Variants in SIDT2 observed in about 807,000 individuals in gnomAD.
SIDT2 encodes the protein SID1 transmembrane family member 2.
Under a neutral mutation model 114.4 loss-of-function variants are expected in SIDT2, and 68 were observed. The observed-to-expected ratio is 0.59, with a 90% confidence interval of 0.49 to 0.73. The LOEUF is 0.73. Ranked by LOEUF, SIDT2 falls within the 30% of genes least tolerant of loss-of-function variation. The probability of loss-of-function intolerance (pLI) is 0.00; values close to 1 mark genes in which losing one functional copy is unlikely to be tolerated. For missense variants in SIDT2, 918 were observed against 1,097.1 expected (o/e 0.84, Z 2.31); for synonymous variants, 470 against 438.4 (o/e 1.07, Z -0.90).
In SIDT2 at chr11:117,179,298, T is replaced by C. The variant is rs1029163454; in HGVS notation, c.35T>C (p.Leu12Ser). The C allele has an allele frequency of 1.1e-5, 18 of 1,613,898 alleles. No homozygotes were observed. Among genetic ancestry groups the C allele is most frequent in the Non-Finnish European group, 1.5e-5 (18 of 1,179,976 alleles). The stretch of plus-strand genomic sequence containing the variant: ...CTGGGCTTGCCCTTCTTGGTGCTCT[T>C]GGTGGCCTCGGTCGAGAGCCATCTG... ...FALGLPFLVL[L>S]VASVESHLGV... The change falls in exon 1 of 26, where the codon TTG becomes TCG. Residue 12 changes from leucine to serine, a missense_variant. Transcript: ENST00000324225.
At position 117,197,202 on chromosome 11, in the gene SIDT2, C is replaced by G. The variant is rs558154368; in HGVS notation, c.*1136C>G. 6.5e-6 allele frequency: 1 copy of G among 152,684 alleles called. No individual in the cohort carries two copies. The highest frequency in any genetic ancestry group is 2.1e-4 in the South Asian group (1 of 4,824). 9.5% of individuals were successfully genotyped at this position (152,684 alleles called of 1,614,324 possible). ...CCCCAGCTCTGGGCACCCTGGCCAC[C>G]CTGGTCCTTGGATCCCCTTCGTCCC... On this transcript the variant is annotated 3_prime_UTR_variant, in exon 26 of 26. Coordinates refer to ENST00000324225, the MANE Select transcript of SIDT2 (RefSeq NM_001040455.2).
intron 10 of SIDT2, chr11:117,187,071 T>C (rs923982047): frequency 1.4e-5 from 20 of 1,459,326 alleles, no homozygotes; most frequent in Non-Finnish European, 1.7e-5. Flanking sequence ...AGCACAGGGC[T>C]GTCTGGAGGG....
rs61729990 is a variant in SIDT2, at chr11:117,181,816, C to A, written c.315C>A (p.Arg105=). 0.015 allele frequency: 23,693 copies of A among 1,614,156 alleles called. 206 individuals are homozygous for A. Among genetic ancestry groups the A allele is most frequent in the Non-Finnish European group, 0.018 (21,021 of 1,180,020 alleles). ...VPLILRGMFQ[R]KYLYQKVERT... Reference sequence around the variant, plus strand: ...CTGCTTCGGGCCATAGGTTTCAGCGCAAGTACCTCTACCAAAAAGTGGAAC... The same window carrying A: ...CTGCTTCGGGCCATAGGTTTCAGCGAAAGTACCTCTACCAAAAAGTGGAAC... The change falls in exon 3 of 26, where the codon CGC becomes CGA. Residue 105 remains arginine (R), a synonymous_variant. Transcript: ENST00000324225.
intron 4 of SIDT2, 142 bp downstream of exon 4, chr11:117,182,247 C>A: frequency 1.0e-6 from 1 of 978,872 alleles, no homozygotes; most frequent in Non-Finnish European, 1.5e-6. Context: ...AGCTCTGGCC[C>A]TGACATGGTG....
At position 117,183,793 on chromosome 11, in the gene SIDT2, C is replaced by G; in HGVS notation, c.717C>G (p.Pro239=). Residue 239 remains proline (P), a synonymous_variant, in exon 7 of 26, where the codon CCC becomes CCG. Transcript: ENST00000324225. ...AAITVQRKDF[P]SNSFYVVVVV... is the part of the protein sequence containing the mutation. ...TCATCCTGCAGCGCAAAGACTTCCC[C>G]AGCAACAGCTTTTATGTGGTGGTGG... 1 of 1,613,776 alleles carries G rather than the reference C, an allele frequency of 6.2e-7. No homozygotes were observed. Among genetic ancestry groups the G allele is most frequent in the Non-Finnish European group, 8.5e-7 (1 of 1,179,652 alleles).
chr11:117,189,179 A>G lies in SIDT2; in HGVS notation c.1289A>G (p.Tyr430Cys), dbSNP rs2030611182. The G allele has an allele frequency of 1.2e-6, 2 of 1,614,198 alleles. No individual in the cohort carries two copies. The highest frequency in any genetic ancestry group is 8.5e-7 in the Non-Finnish European group (1 of 1,180,006). Residue 430 changes from tyrosine (Y) to cysteine (C), a missense_variant, in exon 14 of 26, where the codon TAT becomes TGT. By Grantham distance (194) the Tyr-to-Cys change is radical. Transcript: ENST00000324225. ...KNVIRTKQYL[Y>C]VADLARKDKR... is the part of the protein sequence containing the mutation. ...CCAGCTTCTCCCCAGCAATACCTCT[A>G]TGTGGCTGACCTGGCACGGAAGGAC... is the stretch of plus-strand genomic sequence containing the variant.
Position 117,190,196 on chromosome 11 carries a change from G to T in SIDT2, c.1524G>T (p.Gly508=). The change falls in exon 17 of 26, where the codon GGG becomes GGT. Residue 508 remains glycine, a synonymous_variant. Coordinates refer to ENST00000324225, the MANE Select transcript of SIDT2 (RefSeq NM_001040455.2). The surrounding 1 kb of genome is among the most constrained non-coding windows in gnomAD (Gnocchi z 4.1). ...SAFNNILSNL[G]YILLGLLFLL... is the part of the protein sequence containing the mutation. ...TCAACAACATCCTCAGCAACCTGGG[G>T]TACATCCTGCTGGGGCTGCTTTTCC... The T allele has an allele frequency of 6.3e-7, 1 of 1,583,218 alleles. No homozygotes were observed. The highest frequency in any genetic ancestry group is 8.6e-7 in the Non-Finnish European group (1 of 1,164,796).
At chr11:117,193,062 A>T in intron 22 of SIDT2, 91 bp from the exon 23 acceptor site, 1 of 1,438,066 alleles carries the variant, frequency 7.0e-7, no homozygotes, top group Non-Finnish European at 9.8e-7. Context: ...ACACAGCCCA[A>T]CATCATAATA....
chr11:117,195,085 C>CA (rs55970874), intron 24 of SIDT2, among the ~76,000 whole-genome samples: 800 of 45,612 alleles, frequency 0.018, 158 homozygotes, highest in South Asian at 0.034. Context: ...GACTCTGTCT[C>CA]AAAAAAAAAA....
At chr11:117,194,063 T>C (rs2030801531) in intron 24 of SIDT2, 100 bp downstream of exon 24, 1 of 939,658 alleles carries the variant, frequency 1.1e-6, no homozygotes, top group South Asian at 1.5e-5. Flanking sequence ...CCCAGCACTT[T>C]GGGAAGCTGA....
At position 117,178,993 on chromosome 11, in the gene SIDT2, C is replaced by T. The variant is rs1188321702; in HGVS notation, c.-271C>T. On this transcript the variant is annotated 5_prime_UTR_variant, in exon 1 of 26. Coordinates refer to ENST00000324225, the MANE Select transcript of SIDT2 (RefSeq NM_001040455.2). The stretch of plus-strand genomic sequence containing the variant: ...CGGGGCTCCAGGGTCTCAGGTCGTA[C>T]TCAGCCCCTCGCGAGCTGGGACCCC... The T allele has an allele frequency of 4.0e-6, 2 of 497,876 alleles. No individual in the cohort carries two copies. Among genetic ancestry groups the T allele is most frequent in the East Asian group, 3.7e-5 (1 of 27,358 alleles). 30.8% of individuals were successfully genotyped at this position (497,876 alleles called of 1,614,324 possible).
intron 22 of SIDT2, 73 bp from the exon 23 acceptor site, chr11:117,193,080 C>A: frequency 6.7e-7 from 1 of 1,500,130 alleles, no homozygotes. Flanking sequence ...ATAAAACATG[C>A]CTAGGCAGGG....
At chr11:117,182,910 G>A (rs1412587226) in intron 6 of SIDT2, 104 bp downstream of exon 6, 23 of 1,279,846 alleles carry the variant, frequency 1.8e-5, no homozygotes, top group Non-Finnish European at 2.4e-5. Context: ...TCCTACACAC[G>A]ACTGAGTCTT....
At position 117,184,190 on chromosome 11, in the gene SIDT2, G is replaced by A. The variant is rs750704193; in HGVS notation, c.868+51G>A. 1.2e-5 allele frequency: 19 copies of A among 1,574,668 alleles called. No homozygotes were observed. In the Admixed American group the frequency reaches 3.0e-4, roughly 25 times the overall value. ...GGATGGACAAGCCTCTCTGGCTCCT[G>A]CTTTCAGACCTGGGATATAGGGTGT... On this transcript the variant is annotated intron_variant, in intron 8 of 25. Transcript: ENST00000324225.
At chr11:117,193,006 C>T in intron 22 of SIDT2, 140 bp downstream of exon 22, 4 of 1,344,494 alleles carry the variant, frequency 3.0e-6, no homozygotes, top group East Asian at 4.6e-5. Flanking sequence ...GGCCTCTCTT[C>T]TCTCTCTTGG....
Position 117,190,663 on chromosome 11 carries a change from TG to T in SIDT2, c.1661del (p.Gly554AlafsTer4). On this transcript the variant is annotated frameshift_variant, in exon 18 of 26. Transcript: ENST00000324225. LOFTEE classifies it high-confidence loss of function. This position sits in a 1 kb window ranked among gnomAD's most constrained non-coding sequence, Gnocchi z 4.1. ...AAACACTTTGGGCTTTTCTACGCCATGGGCACAGCCCTGATGATGGAGGGGC... is the reference window on the plus strand; with the variant it reads ...AAACACTTTGGGCTTTTCTACGCCATGGCACAGCCCTGATGATGGAGGGGC... The part of the protein sequence containing the change: ...IPKHFGLFYA[M>X]GTALMMEGLL... The T allele has an allele frequency of 6.2e-7, 1 of 1,610,080 alleles. No homozygotes were observed. The highest frequency in any genetic ancestry group is 8.5e-7 in the Non-Finnish European group (1 of 1,178,000).
chr11:117,195,849 C>T lies in SIDT2; in HGVS notation c.2370C>T (p.Leu790=), dbSNP rs139635942. ...SREHNRDCIL[L]DFFDDHDIWH... is the part of the protein sequence containing the mutation. ...AGCACAACCGGGACTGCATCCTCCTCGACTTCTTTGACGACCACGACATCT... is the reference window on the plus strand; with the variant it reads ...AGCACAACCGGGACTGCATCCTCCTTGACTTCTTTGACGACCACGACATCT... The change falls in exon 25 of 26, where the codon CTC becomes CTT. Residue 790 remains leucine, a synonymous_variant. Transcript: ENST00000324225. 1,666 of 1,614,214 alleles carry T rather than the reference C, an allele frequency of 1.0e-3. 15 individuals are homozygous for T. In the African/African-American group the frequency reaches 0.019, roughly 19 times the overall value.
chr11:117,181,549 C>G lies in SIDT2; in HGVS notation c.305+12C>G. ...ATCCTGCGAGGGATGTGAGTAGGAT[C>G]TGGGCATCAGGGAAGCGGGGCAGCC... On this transcript the variant is annotated intron_variant, in intron 2 of 25. Coordinates refer to ENST00000324225, the MANE Select transcript of SIDT2 (RefSeq NM_001040455.2). The G allele has an allele frequency of 6.2e-7, 1 of 1,613,878 alleles. No homozygotes were observed. The highest frequency in any genetic ancestry group is 8.5e-7 in the Non-Finnish European group (1 of 1,179,984).
chr11:117,180,629 C>A (rs148680296), intron 1 of SIDT2, among the ~76,000 whole-genome samples: 13 of 150,394 alleles, frequency 8.6e-5, no homozygotes, highest in Admixed American at 8.0e-4. Context: ...TCCGCCTTCC[C>A]GGTTCAAGCG....
Sources: allele counts gnomAD v4.1 joint callset (sites outside exome capture counted in the v4.1 genomes callset), GRCh38; gene constraint gnomAD v4.1.1; non-coding constraint Gnocchi (gnomAD v3.1); transcripts MANE v1.5; gene names NCBI Gene and HGNC (gene_info 2026-07-23, HGNC 2026-07-21).